CHD7: variants seen among roughly 807,000 people sequenced by gnomAD.
CHD7 encodes ATP-dependent chromatin remodeler CHD7.
CHD7 carries 24 observed loss-of-function variants against 307.3 expected under a neutral mutation model. The ratio of observed to expected loss-of-function variants is 0.08; its 90% CI spans 0.06 to 0.11. The LOEUF (loss-of-function observed/expected upper bound fraction) is 0.11. Ranked by LOEUF, CHD7 falls within the 10% of genes least tolerant of loss-of-function variation. The probability of loss-of-function intolerance (pLI) is 1.00; values close to 1 mark genes in which losing one functional copy is unlikely to be tolerated. For synonymous variants in CHD7, 1,363 were observed against 1,349.9 expected (o/e 1.01, Z -0.21); for missense variants, 3,106 against 3,727.1 (o/e 0.83, Z 4.34).
chr8:60,724,376 G>A (rs1429262593), intron 1 of CHD7, among the ~76,000 whole-genome samples: 1 of 152,188 alleles, frequency 6.6e-6, no homozygotes, highest in Admixed American at 6.5e-5. Context: ...AAGGAAAGTT[G>A]GGTGACTAGA....
intron 19 of CHD7, 103 bp downstream of exon 19, chr8:60,838,358 C>T: frequency 9.8e-7 from 1 of 1,019,088 alleles, no homozygotes; most frequent in Non-Finnish European, 1.5e-6. Flanking sequence ...GGGAATTAAT[C>T]AAATTAATCA....
rs372636359 is a variant in CHD7, at chr8:60,823,822, T to C, written c.3202-18T>C. ...GTAACCATTAATGCTTAATAATAAT[T>C]CAGAGTTGTTCTTATAGGGTCGAGT... On this transcript the variant is annotated intron_variant, in intron 12 of 37. Coordinates refer to ENST00000423902, the MANE Select transcript of CHD7 (RefSeq NM_017780.4). The C allele has an allele frequency of 3.7e-6, 6 of 1,602,172 alleles. No individual in the cohort carries two copies. The highest frequency in any genetic ancestry group is 5.1e-6 in the Non-Finnish European group (6 of 1,169,506).
At chr8:60,827,264 AAGG>A (rs992306174) in intron 13 of CHD7, among the ~76,000 whole-genome samples, 5 of 152,146 alleles carry the variant, frequency 3.3e-5, no homozygotes, top group Admixed American at 3.3e-4. Flanking sequence ...AAAAAAAAGA[AAGG>A]AGTTCTTTCC....
intron 15 of CHD7, among the ~76,000 whole-genome samples, chr8:60,832,803 G>A (rs979311303): frequency 2.0e-5 from 3 of 152,152 alleles, no homozygotes; most frequent in African/African-American, 7.2e-5. Flanking sequence ...TTCCTTTGAT[G>A]ATTGCTTTCC....
chr8:60,793,261 T>G (rs1043303210), intron 3 of CHD7, among the ~76,000 whole-genome samples: 1 of 152,176 alleles, frequency 6.6e-6, no homozygotes. Flanking sequence ...TTTTTTTAAT[T>G]TTAAAAATAT....
chr8:60,697,229 C>T (rs1165903457), intron 1 of CHD7, among the ~76,000 whole-genome samples: 1 of 152,158 alleles, frequency 6.6e-6, no homozygotes, highest in Non-Finnish European at 1.5e-5. Context: ...AAGACTTTAA[C>T]ATCTGGAGCT....
In CHD7 at chr8:60,843,522, G is replaced by A. The variant is rs1323832005; in HGVS notation, c.4851-1342G>A. Among the ~76,000 whole-genome samples the A allele has an allele frequency of 3.3e-5, 5 of 152,222 alleles. No homozygotes were observed. The East Asian group carries it at 5.8e-4, about 18-fold the overall frequency. ...ACACCTATGTGCTAGGCACTGTCTA[G>A]GATCCTCTCAGTCACTAGGGGTGGA... On this transcript the variant is annotated intron_variant, in intron 21 of 37. Transcript: ENST00000423902.
At chr8:60,716,190 G>A (rs2150533708) in intron 1 of CHD7, among the ~76,000 whole-genome samples, 1 of 152,206 alleles carries the variant, frequency 6.6e-6, no homozygotes, top group Non-Finnish European at 1.5e-5. Flanking sequence ...TTTCCTTGCC[G>A]GTGTTACTGC....
chr8:60,809,597 A>T (rs1388185934), intron 7 of CHD7: 1 of 143,616 alleles, frequency 7.0e-6, no homozygotes, highest in Non-Finnish European at 1.5e-5. Flanking sequence ...GTTCCTGACC[A>T]GGTGCCAGTG....
At chr8:60,712,038 G>A (rs536927457) in intron 1 of CHD7, among the ~76,000 whole-genome samples, 1 of 152,278 alleles carries the variant, frequency 6.6e-6, no homozygotes, top group Non-Finnish European at 1.5e-5. Context: ...ATGCAGAGGT[G>A]GGTGTTCCAA....
chr8:60,781,254 A>G lies in CHD7; in HGVS notation c.1920A>G (p.Glu640=), dbSNP rs749214938. The G allele has an allele frequency of 8.9e-6, 14 of 1,569,512 alleles. No homozygotes were observed. The African/African-American group carries it at 1.8e-4, about 20-fold the overall frequency. Residue 640 remains glutamate (E), a synonymous_variant, in exon 3 of 38, where the codon GAA becomes GAG. Coordinates refer to ENST00000423902, the MANE Select transcript of CHD7 (RefSeq NM_017780.4). ...ACTCACTGGATGGGTCCCAAGAAGA[A>G]AAAAAGAAAAAGAAAAGGTCAAAGG... The part of the protein sequence containing the change: ...NRNSLDGSQE[E]KKKKKRSKAK...
In CHD7 at chr8:60,837,724, G is replaced by T. The variant is rs371910721; in HGVS notation, c.4242G>T (p.Leu1414=). 25 of 1,605,524 alleles carry T rather than the reference G, an allele frequency of 1.6e-5. No homozygotes were observed. The highest frequency in any genetic ancestry group is 6.8e-6 in the Non-Finnish European group (8 of 1,175,476). ...GQSKSVKIYR[L]ITRNSYEREM... is the part of the protein sequence containing the mutation. ...GCAAATCTGTGAAAATCTACAGGCT[G>T]ATTACAAGAAATTCCTATGAAAGGG... The change falls in exon 18 of 38, where the codon CTG becomes CTT. Residue 1414 remains leucine (L), a synonymous_variant. Coordinates refer to ENST00000423902, the MANE Select transcript of CHD7 (RefSeq NM_017780.4).
rs1236755820 is a variant in CHD7, at chr8:60,836,244, G to A, written c.3950G>A (p.Arg1317His). 5.0e-6 allele frequency: 8 copies of A among 1,613,852 alleles called. No individual in the cohort carries two copies. Among genetic ancestry groups the A allele is most frequent in the African/African-American group, 2.7e-5 (2 of 74,896 alleles). Reference sequence around the variant, plus strand: ...GTGCTTATCTTTTCCCAGATGGTGCGCTGCTTGGACATACTGGAAGACTAC... The same window carrying A: ...GTGCTTATCTTTTCCCAGATGGTGCACTGCTTGGACATACTGGAAGACTAC... ...HRVLIFSQMV[R>H]CLDILEDYLI... Residue 1317 changes from arginine to histidine, a missense_variant, in exon 16 of 38, where the codon CGC becomes CAC. Coordinates refer to ENST00000423902, the MANE Select transcript of CHD7 (RefSeq NM_017780.4).
rs771207233 is a variant in CHD7, at chr8:60,838,084, G to T, written c.4362G>T (p.Gln1454His). Reference sequence around the variant, plus strand: ...ATATTTCTCTAAAACAGGTACAACAGCTTTCCAAGAAAGAAATAGAGGATC... The same window carrying T: ...ATATTTCTCTAAAACAGGTACAACATCTTTCCAAGAAAGAAATAGAGGATC... ...GRENATNGVQ[Q>H]LSKKEIEDLL... is the part of the protein sequence containing the mutation. Residue 1454 changes from glutamine to histidine, a missense_variant, in exon 19 of 38, where the codon CAG becomes CAT. Around this residue, in one of 10 missense-constraint regions of CHD7, gnomAD observed 93 missense variants for 176.4 expected, o/e 0.53. Coordinates refer to ENST00000423902, the MANE Select transcript of CHD7 (RefSeq NM_017780.4). 1.6e-5 allele frequency: 24 copies of T among 1,509,658 alleles called. No homozygotes were observed. The allele number at this position is 1,509,658 out of a possible 1,614,324, so 93.5% of individuals were successfully genotyped here.
At chr8:60,850,697 C>T in intron 26 of CHD7, 75 bp downstream of exon 26, 2 of 1,411,356 alleles carry the variant, frequency 1.4e-6, no homozygotes, top group African/African-American at 1.4e-5. Context: ...AGTTCTTACC[C>T]TGCAGTACAC....
intron 1 of CHD7, among the ~76,000 whole-genome samples, chr8:60,708,803 CTT>C (rs1329952078): frequency 6.6e-6 from 1 of 152,210 alleles, no homozygotes; most frequent in Non-Finnish European, 1.5e-5. Context: ...ATTTCTGACT[CTT>C]TTCAACCGAA....
In CHD7 at chr8:60,768,606, C is replaced by T. The variant is rs1810578044; in HGVS notation, c.1666-12394C>T. On this transcript the variant is annotated intron_variant, in intron 2 of 37. Coordinates refer to ENST00000423902, the MANE Select transcript of CHD7 (RefSeq NM_017780.4). ...ATAAATTCGTTCTGCATGTTGTTTCCTGTTTGCCAGCTGTCCCTGGGGATT... is the reference window on the plus strand; with the variant it reads ...ATAAATTCGTTCTGCATGTTGTTTCTTGTTTGCCAGCTGTCCCTGGGGATT... Among the ~76,000 whole-genome samples the T allele has an allele frequency of 2.0e-5, 3 of 152,166 alleles. No individual in the cohort carries two copies. In the South Asian group the frequency reaches 6.2e-4, roughly 31 times the overall value.
rs541886396 is a variant in CHD7 at position 60,844,491 on chromosome 8, G to A, written c.4851-373G>A. Among the ~76,000 whole-genome samples, 9 of 152,182 alleles carry A rather than the reference G, an allele frequency of 5.9e-5. No individual in the cohort carries two copies. The East Asian group carries it at 1.7e-3, about 29-fold the overall frequency. ...TTATCTTGAGTTGCCTTTTGTCTCA[G>A]ATGGTTGGTCAACATCAAAATGTAC... On this transcript the variant is annotated intron_variant, in intron 21 of 37. Transcript: ENST00000423902.
At chr8:60,826,074 A>G (rs1336563566) in intron 13 of CHD7, among the ~76,000 whole-genome samples, 1 of 152,194 alleles carries the variant, frequency 6.6e-6, no homozygotes, top group Non-Finnish European at 1.5e-5. Flanking sequence ...TGTTATCCAA[A>G]TAATTTTCCT....
Sources: gnomAD v4.1 joint callset for allele counts (sites outside exome capture counted in the v4.1 genomes callset) on GRCh38, gnomAD v4.1.1 for gene constraint, gnomAD v4.1.1 regional missense constraint, MANE v1.5 for transcripts, NCBI Gene and HGNC (gene_info 2026-07-23, HGNC 2026-07-21) for gene names.